COL24A1: variants seen among roughly 807,000 people sequenced by gnomAD.
COL24A1 encodes collagen alpha-1(XXIV) chain.
Under a neutral mutation model 253.9 loss-of-function variants are expected in COL24A1, and 224 were observed. The ratio of observed to expected loss-of-function variants is 0.88; its 90% CI spans 0.79 to 0.99. The LOEUF is 0.99. Ranked by LOEUF, COL24A1 falls within the 50% of genes least tolerant of loss-of-function variation. COL24A1 has a pLI of 0.00. For missense variants in COL24A1, 2,131 were observed against 2,068.5 expected (o/e 1.03, Z -0.59); for synonymous variants, 685 against 673.7 (o/e 1.02, Z -0.26).
chr1:85,976,129 G>A (rs1017099610), intron 20 of COL24A1, among the ~76,000 whole-genome samples: 2 of 152,154 alleles, frequency 1.3e-5, no homozygotes, highest in Non-Finnish European at 2.9e-5. Flanking sequence ...GAATCTGAGG[G>A]TGAAACGGAA....
At chr1:85,943,533 A>T (rs897071113) in intron 24 of COL24A1, among the ~76,000 whole-genome samples, 1 of 152,226 alleles carries the variant, frequency 6.6e-6, no homozygotes, top group African/African-American at 2.4e-5. Context: ...CCCACCAAAA[A>T]GTTGTGATAA....
rs545846509 is a variant in COL24A1 at position 86,156,666 on chromosome 1, G to A, written c.-270C>T. 104 of 327,538 alleles carry A rather than the reference G, an allele frequency of 3.2e-4. 1 individual carries two copies. The highest frequency in any genetic ancestry group is 2.6e-3 in the Middle Eastern group (3 of 1,176). The allele number at this position is 327,538 out of a possible 1,614,324, so 20.3% of individuals were successfully genotyped here. A position where few individuals can be genotyped will look rare whatever the true frequency, so the allele number is the denominator to read the frequency against. On this transcript the variant is annotated 5_prime_UTR_variant, in exon 1 of 60. Transcript: ENST00000370571. ...GCTCCCCGGGGAGGGCGGGCGAGGAGGTAAACCTCACTGGGAGGCCTCGGG... is the reference window on the plus strand; with the variant it reads ...GCTCCCCGGGGAGGGCGGGCGAGGAAGTAAACCTCACTGGGAGGCCTCGGG...
intron 14 of COL24A1, among the ~76,000 whole-genome samples, 163 bp from the exon 15 acceptor site, chr1:86,023,170 C>T (rs1697716896): frequency 6.6e-6 from 1 of 152,162 alleles, no homozygotes; most frequent in Non-Finnish European, 1.5e-5. Flanking sequence ...ATTTATAAAT[C>T]ATACCAATAT....
At chr1:86,098,583 C>G (rs1704196036) in intron 5 of COL24A1, among the ~76,000 whole-genome samples, 1 of 152,086 alleles carries the variant, frequency 6.6e-6, no homozygotes, top group South Asian at 2.1e-4. Context: ...ATGGTAAATA[C>G]TTTGGTAAAC....
At chr1:85,968,661 T>C (rs1369053203) in intron 22 of COL24A1, among the ~76,000 whole-genome samples, 1 of 152,112 alleles carries the variant, frequency 6.6e-6, no homozygotes, top group Non-Finnish European at 1.5e-5. Context: ...ATAAAACCAA[T>C]TCTATTTTTA....
chr1:86,139,774 T>C (rs1650815562), intron 2 of COL24A1, among the ~76,000 whole-genome samples: 1 of 152,174 alleles, frequency 6.6e-6, no homozygotes. Flanking sequence ...TATGACTGTT[T>C]AAAATAAAAT....
chr1:85,866,140 G>C lies in COL24A1; in HGVS notation c.3300+2379C>G, dbSNP rs1012884648. Among the ~76,000 whole-genome samples, 12 of 152,240 alleles carry C rather than the reference G, an allele frequency of 7.9e-5. No individual in the cohort carries two copies. In the East Asian group the frequency reaches 2.3e-3, roughly 30 times the overall value. On this transcript the variant is annotated intron_variant, in intron 37 of 59. Transcript: ENST00000370571. ...TAGGTGGGCATGGTGGTGGGTGCCTGTACTCCCAGCTACTTGGGAGGCTGA... is the reference window on the plus strand; with the variant it reads ...TAGGTGGGCATGGTGGTGGGTGCCTCTACTCCCAGCTACTTGGGAGGCTGA...
intron 28 of COL24A1, among the ~76,000 whole-genome samples, chr1:85,902,172 C>T (rs536335334): frequency 1.3e-5 from 2 of 152,278 alleles, no homozygotes; most frequent in East Asian, 3.9e-4. Context: ...CATGAAAACA[C>T]TGGAGAAATT....
chr1:85,872,837 TG>T (rs1468593346), intron 35 of COL24A1, among the ~76,000 whole-genome samples: 1 of 151,968 alleles, frequency 6.6e-6, no homozygotes, highest in Non-Finnish European at 1.5e-5. Context: ...AATTGACAAA[TG>T]GGATCTAATT....
At chr1:85,911,840 T>C (rs1182081084) in intron 24 of COL24A1, among the ~76,000 whole-genome samples, 1 of 152,118 alleles carries the variant, frequency 6.6e-6, no homozygotes, top group Non-Finnish European at 1.5e-5. Flanking sequence ...GGACAGAACA[T>C]GCCTATCATT....
chr1:85,746,641 G>T (rs450953), intron 55 of COL24A1, among the ~76,000 whole-genome samples: 11 of 152,192 alleles, frequency 7.2e-5, no homozygotes, highest in Admixed American at 1.3e-4. Flanking sequence ...AATAGGTCAG[G>T]GAAGGCTTCC....
intron 21 of COL24A1, 35 bp from the exon 22 acceptor site, chr1:85,970,306 C>A: frequency 1.3e-6 from 2 of 1,524,446 alleles, no homozygotes; most frequent in South Asian, 1.3e-5. Flanking sequence ...ATATTATGGC[C>A]TAAAATGAGT....
At chr1:86,047,557 C>T (rs760789000) in intron 11 of COL24A1, among the ~76,000 whole-genome samples, 1 of 151,970 alleles carries the variant, frequency 6.6e-6, no homozygotes, top group Non-Finnish European at 1.5e-5. Context: ...AATAACAATA[C>T]CTATCATTCA....
chr1:85,995,889 C>T (rs1162706750), intron 19 of COL24A1, among the ~76,000 whole-genome samples: 8 of 152,152 alleles, frequency 5.3e-5, no homozygotes, highest in African/African-American at 7.2e-5. Flanking sequence ...TGCCTTCTAC[C>T]ATGGTTGTTA....
rs184893320 is a variant in COL24A1 at position 85,884,012 on chromosome 1, C to T, written c.2976+5548G>A. Reference sequence around the variant, plus strand: ...ACCTTTATTTATTCCTTCGCCAACACTCCTTTCCTAGATGAGTTTCTTACC... The same window carrying T: ...ACCTTTATTTATTCCTTCGCCAACATTCCTTTCCTAGATGAGTTTCTTACC... On this transcript the variant is annotated intron_variant, in intron 32 of 59. Coordinates refer to ENST00000370571, the MANE Select transcript of COL24A1 (RefSeq NM_152890.7). 1.2e-4 allele frequency among the ~76,000 whole-genome samples: 18 copies of T among 152,296 alleles called. No homozygotes were observed. In the East Asian group the frequency reaches 3.1e-3, roughly 26 times the overall value.
chr1:85,791,853 A>G (rs1670310662), intron 47 of COL24A1, among the ~76,000 whole-genome samples: 2 of 152,160 alleles, frequency 1.3e-5, no homozygotes, highest in Non-Finnish European at 1.5e-5. Flanking sequence ...ACTTTACAGG[A>G]AAGGCAAGCT....
intron 37 of COL24A1, among the ~76,000 whole-genome samples, chr1:85,859,191 G>A (rs1678854196): frequency 6.6e-6 from 1 of 152,058 alleles, no homozygotes; most frequent in Admixed American, 6.6e-5. Flanking sequence ...AACTGTGCCT[G>A]GCTTAATAAA....
At chr1:86,010,635 G>A (rs1048934627) in intron 19 of COL24A1, among the ~76,000 whole-genome samples, 3 of 152,044 alleles carry the variant, frequency 2.0e-5, no homozygotes, top group African/African-American at 4.8e-5. Flanking sequence ...AAATACATAA[G>A]AAGCACAAGT....
At chr1:85,786,538 A>G (rs1208470160) in intron 47 of COL24A1, 77 bp from the exon 48 acceptor site, 2 of 1,354,966 alleles carry the variant, frequency 1.5e-6, no homozygotes, top group Admixed American at 2.0e-5. Context: ...AAATGTAGGA[A>G]GAGTTGTGCC....
Sources: gnomAD v4.1 joint callset for allele counts (sites outside exome capture counted in the v4.1 genomes callset) on GRCh38, gnomAD v4.1.1 for gene constraint, MANE v1.5 for transcripts, NCBI Gene and HGNC (gene_info 2026-07-23, HGNC 2026-07-21) for gene names.